Variants in PDE3A observed in about 807,000 individuals in gnomAD.
The protein encoded by PDE3A is phosphodiesterase 3A.
PDE3A carries 43 observed loss-of-function variants against 98.3 expected under a neutral mutation model. That is an observed-to-expected ratio of 0.44 (90% confidence interval 0.34 to 0.56). The LOEUF (loss-of-function observed/expected upper bound fraction) is 0.56, where lower values mean the gene tolerates loss of function less well. Ranked by LOEUF, PDE3A falls within the 20% of genes least tolerant of loss-of-function variation. The probability of loss-of-function intolerance (pLI) is 0.01; values close to 1 mark genes in which losing one functional copy is unlikely to be tolerated. For missense variants in PDE3A, 1,427 were observed against 1,440.7 expected (o/e 0.99, Z 0.15); for synonymous variants, 663 against 567.9 (o/e 1.17, Z -2.38).
chr12:20,591,499 C>T (rs1943337653), intron 2 of PDE3A, among the ~76,000 whole-genome samples: 1 of 152,232 alleles, frequency 6.6e-6, no homozygotes, highest in South Asian at 2.1e-4. Flanking sequence ...TTACATTTTA[C>T]AAGAAAGTAG....
At chr12:20,413,995 G>T (rs1010337624) in intron 1 of PDE3A, among the ~76,000 whole-genome samples, 4 of 152,076 alleles carry the variant, frequency 2.6e-5, no homozygotes, top group Non-Finnish European at 5.9e-5. Context: ...TAGCTTTCAG[G>T]TTTATACCTT....
chr12:20,526,884 CTGTG>C (rs71039949), intron 1 of PDE3A, among the ~76,000 whole-genome samples: 38,908 of 136,610 alleles, frequency 0.28, 5,706 homozygotes, highest in Middle Eastern at 0.4. Flanking sequence ...ACATTTTTTT[CTGTG>C]TGTGTGTGTG....
chr12:20,385,158 C>G (rs555343416), intron 1 of PDE3A, among the ~76,000 whole-genome samples: 1 of 151,254 alleles, frequency 6.6e-6, no homozygotes, highest in Non-Finnish European at 1.5e-5. Context: ...CCAGTGTAAA[C>G]GCGTTGTTAT....
chr12:20,416,406 A>G (rs758609732), intron 1 of PDE3A, among the ~76,000 whole-genome samples: 3 of 152,216 alleles, frequency 2.0e-5, no homozygotes, highest in Non-Finnish European at 4.4e-5. Flanking sequence ...CCACCTTTGT[A>G]TGTGAATGCA....
At chr12:20,615,189 C>T (rs556596512) in intron 3 of PDE3A, among the ~76,000 whole-genome samples, 30 of 152,086 alleles carry the variant, frequency 2.0e-4, no homozygotes, top group Admixed American at 5.2e-4. Flanking sequence ...CAGGCGTGAG[C>T]CACTGCGCCT....
chr12:20,491,076 C>G (rs542797131), intron 1 of PDE3A, among the ~76,000 whole-genome samples: 6 of 152,230 alleles, frequency 3.9e-5, no homozygotes, highest in African/African-American at 1.4e-4. Flanking sequence ...GTGAGCCTGA[C>G]TCAAAAAAAT....
At chr12:20,493,107 A>C (rs529771368) in intron 1 of PDE3A, among the ~76,000 whole-genome samples, 3 of 152,292 alleles carry the variant, frequency 2.0e-5, no homozygotes, top group Middle Eastern at 3.4e-3. Context: ...CCTGTATAGA[A>C]ATTAGTCAGC....
At chr12:20,604,690 A>G (rs1943670702) in intron 2 of PDE3A, among the ~76,000 whole-genome samples, 1 of 152,182 alleles carries the variant, frequency 6.6e-6, no homozygotes. Flanking sequence ...AAGTTTTTAA[A>G]GTAGAGAATC....
chr12:20,658,185 T>C (rs1206084862), intron 15 of PDE3A, among the ~76,000 whole-genome samples: 3 of 152,204 alleles, frequency 2.0e-5, no homozygotes, highest in South Asian at 2.1e-4. Context: ...TCAAATTTAT[T>C]TAAATTTCAA....
intron 10 of PDE3A, among the ~76,000 whole-genome samples, chr12:20,644,305 A>G (rs1944720632): frequency 1.3e-5 from 2 of 152,226 alleles, no homozygotes. Context: ...GTTCTACAGC[A>G]GCAATTTATT....
intron 2 of PDE3A, among the ~76,000 whole-genome samples, chr12:20,597,268 A>G (rs528154969): frequency 2.0e-5 from 3 of 152,304 alleles, no homozygotes; most frequent in African/African-American, 7.2e-5. Flanking sequence ...ACCCTCAGGT[A>G]TTCTGAGAGG....
intron 1 of PDE3A, among the ~76,000 whole-genome samples, chr12:20,446,554 G>A (rs545638726): frequency 4.6e-5 from 7 of 152,150 alleles, no homozygotes; most frequent in Non-Finnish European, 1.0e-4. Flanking sequence ...TGTCCTGGAT[G>A]CCAGGTATAC....
At position 20,552,155 on chromosome 12, in the gene PDE3A, C is replaced by T. The variant is rs1942226596; in HGVS notation, c.961-4505C>T. ...CTCACCAACACCAACAGGGCGCTGG[C>T]TCTCAACTGCTTTGCTCCCATCAAT... On this transcript the variant is annotated intron_variant, in intron 1 of 15. Transcript: ENST00000359062. The surrounding 1 kb of genome is among the most constrained non-coding windows in gnomAD (Gnocchi z 5.1). The T allele has an allele frequency of 1.9e-6, 3 of 1,613,720 alleles. No individual in the cohort carries two copies. The highest frequency in any genetic ancestry group is 1.7e-5 in the Admixed American group (1 of 60,038).
chr12:20,374,674 T>G (rs1943538488), intron 1 of PDE3A, among the ~76,000 whole-genome samples: 1 of 152,100 alleles, frequency 6.6e-6, no homozygotes, highest in Non-Finnish European at 1.5e-5. Flanking sequence ...ACTTCTATTT[T>G]AAGCAAGTTC....
Position 20,593,468 on chromosome 12 carries a change from TAGA to T in PDE3A, c.1012-19970_1012-19968del, listed in dbSNP as rs371848330. On this transcript the variant is annotated intron_variant, in intron 2 of 15. Coordinates refer to ENST00000359062, the MANE Select transcript of PDE3A (RefSeq NM_000921.5). ...AGCCAAGTTTGTGGCAGGAAGAAAC[TAGA>T]AGAAAAAAATATTGTAGCCATCCTC... Among the ~76,000 whole-genome samples, 104 of 150,530 alleles carry T rather than the reference TAGA, an allele frequency of 6.9e-4. No homozygotes were observed. In the East Asian group the frequency reaches 0.02, roughly 28 times the overall value.
intron 1 of PDE3A, among the ~76,000 whole-genome samples, chr12:20,459,505 T>A (rs1312472341): frequency 1.3e-5 from 2 of 152,208 alleles, no homozygotes; most frequent in Non-Finnish European, 2.9e-5. Context: ...TCTATCTTTT[T>A]AATTTACATA....
At chr12:20,526,369 T>C (rs1946518319) in intron 1 of PDE3A, among the ~76,000 whole-genome samples, 1 of 152,232 alleles carries the variant, frequency 6.6e-6, no homozygotes, top group Non-Finnish European at 1.5e-5. Flanking sequence ...TTATATCATT[T>C]TGAAAACTTA....
intron 1 of PDE3A, among the ~76,000 whole-genome samples, chr12:20,386,963 AG>A (rs141341877): frequency 0.07 from 10,674 of 152,158 alleles, 472 homozygotes; most frequent in Admixed American, 0.097. Context: ...GTTATAAGAA[AG>A]GGGTCCAGTT....
intron 1 of PDE3A, among the ~76,000 whole-genome samples, chr12:20,424,893 G>T (rs1388325509): frequency 6.6e-6 from 1 of 152,166 alleles, no homozygotes; most frequent in Non-Finnish European, 1.5e-5. Flanking sequence ...ACTGTGTTCT[G>T]TCTCTGTGCA....
Sources: gnomAD v4.1 joint callset for allele counts (sites outside exome capture counted in the v4.1 genomes callset) on GRCh38, gnomAD v4.1.1 for gene constraint, Gnocchi (gnomAD v3.1) non-coding constraint, MANE v1.5 for transcripts, NCBI Gene and HGNC (gene_info 2026-07-23, HGNC 2026-07-21) for gene names.